The following LINGO2 variants were observed in gnomAD, a reference collection of about 807,000 sequenced individuals.
LINGO2 encodes the protein leucine rich repeat and Ig domain containing 2, also known as leucine-rich repeat and immunoglobulin-like domain-containing nogo receptor-interacting protein 2.
In LINGO2, 14 loss-of-function variants were observed where a neutral mutation model predicts 30.6. The ratio of observed to expected loss-of-function variants is 0.46; its 90% CI spans 0.30 to 0.72. The LOEUF (loss-of-function observed/expected upper bound fraction) is 0.72, where lower values mean the gene tolerates loss of function less well. LINGO2 is among the 30% of genes least tolerant of loss of function. The probability of loss-of-function intolerance (pLI) is 0.07; values close to 1 mark genes in which losing one functional copy is unlikely to be tolerated. For synonymous variants in LINGO2, 317 were observed against 288.5 expected, an observed-to-expected ratio of 1.10 and a Z score of -1.00; for missense variants, 729 against 751.7, an observed-to-expected ratio of 0.97 and a Z score of 0.35.
chr9:27,970,654 C>T (rs1820310554), intron 5 of LINGO2, among the ~76,000 whole-genome samples: 1 of 152,036 alleles, frequency 6.6e-6, no homozygotes, highest in South Asian at 2.1e-4. Context: ...GTAATGTTGC[C>T]TTCAACTTTC....
At chr9:28,230,671 A>G (rs1412674535) in intron 4 of LINGO2, among the ~76,000 whole-genome samples, 3 of 151,916 alleles carry the variant, frequency 2.0e-5, no homozygotes, top group Non-Finnish European at 4.4e-5. Context: ...TGAGATTTTA[A>G]TTGAATTGCA....
At chr9:29,172,814 A>C in the LINGO2 span, among the ~76,000 whole-genome samples, 2 of 152,000 alleles carry the variant, frequency 1.3e-5, no homozygotes, top group African/African-American at 4.8e-5. Context: ...TCCATGACTT[A>C]TTTACATGGC....
chr9:28,293,032 A>G (rs1361615612), intron 4 of LINGO2, among the ~76,000 whole-genome samples: 1 of 152,032 alleles, frequency 6.6e-6, no homozygotes, highest in Non-Finnish European at 1.5e-5. Context: ...TTGGCCTCCC[A>G]AAGTGCTGGG....
chr9:28,793,716 A>T, the LINGO2 span, among the ~76,000 whole-genome samples: 1 of 152,204 alleles, frequency 6.6e-6, no homozygotes, highest in Non-Finnish European at 1.5e-5. Flanking sequence ...TCTGAATAAA[A>T]TATTCTATGT....
At chr9:28,437,804 C>T (rs564547964) in intron 2 of LINGO2, among the ~76,000 whole-genome samples, 1 of 152,194 alleles carries the variant, frequency 6.6e-6, no homozygotes, top group South Asian at 2.1e-4. Context: ...ATATATTTGG[C>T]TCAGAAGGCC....
the LINGO2 span, among the ~76,000 whole-genome samples, chr9:28,729,440 C>G: frequency 6.6e-6 from 1 of 151,810 alleles, no homozygotes. Context: ...CTCAGGGGAA[C>G]TAAAACTTAA....
chr9:28,889,759 T>C, the LINGO2 span, among the ~76,000 whole-genome samples: 3 of 152,216 alleles, frequency 2.0e-5, no homozygotes, highest in Non-Finnish European at 4.4e-5. Context: ...ATGTCTCCAT[T>C]AGATCTCAGA....
chr9:28,095,809 C>T (rs143710881), intron 4 of LINGO2, among the ~76,000 whole-genome samples: 3 of 152,200 alleles, frequency 2.0e-5, no homozygotes, highest in East Asian at 1.9e-4. Context: ...GCAACCTGCT[C>T]ATCTGACAAA....
the LINGO2 span, among the ~76,000 whole-genome samples, chr9:28,904,170 T>TTAA: frequency 1.1e-4 from 17 of 149,430 alleles, no homozygotes; most frequent in Admixed American, 2.7e-4. Flanking sequence ...CCTTTTATGA[T>TTAA]AAAAAAAAAA....
At chr9:28,699,620 G>A in the LINGO2 span, among the ~76,000 whole-genome samples, 6,729 of 152,042 alleles carry the variant, frequency 0.044, 207 homozygotes, top group Non-Finnish European at 0.069. Context: ...CTGTGGGGTC[G>A]GGCAAAATAG....
At chr9:28,431,124 A>G (rs1014279322) in intron 2 of LINGO2, among the ~76,000 whole-genome samples, 7 of 151,994 alleles carry the variant, frequency 4.6e-5, no homozygotes, top group Non-Finnish European at 1.0e-4. Context: ...CAAAAGCCAC[A>G]TCCCATCACA....
intron 1 of LINGO2, among the ~76,000 whole-genome samples, chr9:28,535,309 T>A (rs1821389564): frequency 6.6e-6 from 1 of 152,128 alleles, no homozygotes; most frequent in African/African-American, 2.4e-5. Flanking sequence ...TTCAAAATTA[T>A]AATTAATGTT....
At chr9:28,306,346 T>G (rs974648997) in intron 3 of LINGO2, among the ~76,000 whole-genome samples, 1 of 150,950 alleles carries the variant, frequency 6.6e-6, no homozygotes, top group Non-Finnish European at 1.5e-5. Flanking sequence ...AAGGAAGAAA[T>G]GAAGGCAGAA....
the LINGO2 span, among the ~76,000 whole-genome samples, chr9:28,753,123 C>T: frequency 6.6e-6 from 1 of 151,794 alleles, no homozygotes; most frequent in Non-Finnish European, 1.5e-5. Context: ...ACACAAAATC[C>T]CAGGTGCATA....
chr9:28,776,845 G>A, the LINGO2 span, among the ~76,000 whole-genome samples: 3 of 148,608 alleles, frequency 2.0e-5, no homozygotes, highest in South Asian at 2.1e-4. Context: ...TTTTTTTTCA[G>A]TCAACTTGTC....
chr9:28,524,337 G>A (rs1429656524), intron 1 of LINGO2, among the ~76,000 whole-genome samples: 1 of 152,138 alleles, frequency 6.6e-6, no homozygotes, highest in African/African-American at 2.4e-5. Flanking sequence ...AGGAGAATAT[G>A]TTTGTAACTT....
intron 1 of LINGO2, among the ~76,000 whole-genome samples, chr9:28,585,339 A>G (rs1824475886): frequency 1.3e-5 from 2 of 151,902 alleles, no homozygotes; most frequent in Admixed American, 1.3e-4. Flanking sequence ...CCTTAGACTG[A>G]GGGTATGGTA....
At position 28,330,789 on chromosome 9, in the gene LINGO2, G is replaced by C. The variant is rs745337391; in HGVS notation, c.-245-35423C>G. On this transcript the variant is annotated intron_variant, in intron 3 of 5. Transcript: ENST00000379992. ...ATGCTTTGTGGTATACTCTTCTCCC[G>C]TTCTCACCTTCCAGGACATGTGGTG... is the stretch of plus-strand genomic sequence containing the variant. Among the ~76,000 whole-genome samples the C allele has an allele frequency of 1.6e-4, 24 of 151,942 alleles. 1 individual carries two copies. The highest frequency in any genetic ancestry group is 3.1e-4 in the Non-Finnish European group (21 of 67,986).
chr9:28,876,405 C>T, the LINGO2 span, among the ~76,000 whole-genome samples: 1 of 148,510 alleles, frequency 6.7e-6, no homozygotes, highest in Non-Finnish European at 1.5e-5. Flanking sequence ...CCCCACTCCC[C>T]GCACCCAACA....
Sources: allele counts gnomAD v4.1 joint callset (sites outside exome capture counted in the v4.1 genomes callset), GRCh38; gene constraint gnomAD v4.1.1; transcripts MANE v1.5; gene names NCBI Gene and HGNC (gene_info 2026-07-23, HGNC 2026-07-21).